TRIP11: variants seen among roughly 807,000 people sequenced by gnomAD.
The protein encoded by TRIP11 is thyroid receptor-interacting protein 11.
Under a neutral mutation model 223.1 loss-of-function variants are expected in TRIP11, and 148 were observed. The ratio of observed to expected loss-of-function variants is 0.66; its 90% CI spans 0.58 to 0.76. The LOEUF (loss-of-function observed/expected upper bound fraction) is 0.76. TRIP11 is among the 30% of genes least tolerant of loss of function. The pLI is 0.00. For synonymous variants in TRIP11, 762 were observed against 772.6 expected (o/e 0.99, Z 0.23); for missense variants, 2,043 against 2,222.0 (o/e 0.92, Z 1.62).
chr14:91,995,443 A>G lies in TRIP11; in HGVS notation c.4965T>C (p.Thr1655=). ...LNVVSKQRDE[T]ALQLSVSQEQ... is the part of the protein sequence containing the mutation. ...CCTGAGAGACAGAAAGCTGCAGCGC[A>G]GTTTCATCCCTTTGCTTGGAAACTA... is the stretch of plus-strand genomic sequence containing the variant. The change falls in exon 14 of 21, where the codon ACT becomes ACC. Residue 1655 remains threonine (T), a synonymous_variant. Transcript: ENST00000267622. 6.2e-7 allele frequency: 1 copy of G among 1,614,140 alleles called. No individual in the cohort carries two copies. Among genetic ancestry groups the G allele is most frequent in the South Asian group, 1.1e-5 (1 of 91,080 alleles).
chr14:92,029,998 C>G (rs1488290294), intron 2 of TRIP11, among the ~76,000 whole-genome samples: 1 of 151,858 alleles, frequency 6.6e-6, no homozygotes, highest in African/African-American at 2.4e-5. Flanking sequence ...GAGATCGAGA[C>G]CATCCCGGCT....
chr14:91,993,934 CATT>C (rs771213924), intron 14 of TRIP11, 22 bp from the exon 15 acceptor site: 1 of 1,576,976 alleles, frequency 6.3e-7, no homozygotes, highest in Non-Finnish European at 8.7e-7. Context: ...AGAAAGTTAA[CATT>C]AGTATTTTGC....
At chr14:92,028,390 A>C (rs990214341) in intron 2 of TRIP11, among the ~76,000 whole-genome samples, 4 of 152,068 alleles carry the variant, frequency 2.6e-5, no homozygotes, top group Non-Finnish European at 5.9e-5. Context: ...GGAACAAAAA[A>C]TACAAATACA....
rs747444843 is a variant in TRIP11 at position 92,015,838 on chromosome 14, C to A, written c.681G>T (p.Gln227His). ...IIKELKQNRS[Q>H]EIDDHQHEMS... ...TTTCATGTTGATGGTCATCAATTTC[C>A]TGACTTCGGTTCTGTTTTAGTTCCT... The change falls in exon 6 of 21, where the codon CAG becomes CAT. Residue 227 changes from glutamine to histidine, a missense_variant. Coordinates refer to ENST00000267622, the MANE Select transcript of TRIP11 (RefSeq NM_004239.4). The A allele has an allele frequency of 3.7e-6, 6 of 1,612,032 alleles. No individual in the cohort carries two copies. Among genetic ancestry groups the A allele is most frequent in the Non-Finnish European group, 8.5e-7 (1 of 1,179,670 alleles).
At chr14:92,018,521 T>C (rs1251461216) in intron 4 of TRIP11, among the ~76,000 whole-genome samples, 2 of 152,168 alleles carry the variant, frequency 1.3e-5, no homozygotes, top group African/African-American at 4.8e-5. Flanking sequence ...TTAATATTAC[T>C]ATGTAGCATT....
chr14:91,993,690 G>A (rs1015499834), intron 15 of TRIP11, 119 bp downstream of exon 15: 1 of 810,242 alleles, frequency 1.2e-6, no homozygotes, highest in South Asian at 1.6e-5. Flanking sequence ...CAGAGGGCTG[G>A]ATTCAGGGTA....
chr14:92,007,937 G>C, intron 9 of TRIP11, 85 bp from the exon 10 acceptor site: 2 of 1,074,882 alleles, frequency 1.9e-6, no homozygotes, highest in South Asian at 2.8e-5. Flanking sequence ...GCAAAACTTG[G>C]GATTCTATTT....
chr14:92,005,741 T>A lies in TRIP11; in HGVS notation c.2235A>T (p.Glu745Asp). ...EANKYEKTIE[E>D]LSNARNLNTS... Reference sequence around the variant, plus strand: ...TATTCAAATTACGTGCATTTGACAGTTCTTCAATGGTTTTCTCATACTTGT... The same window carrying A: ...TATTCAAATTACGTGCATTTGACAGATCTTCAATGGTTTTCTCATACTTGT... Residue 745 changes from glutamate (E) to aspartate (D), a missense_variant, in exon 11 of 21, where the codon GAA becomes GAT. Coordinates refer to ENST00000267622, the MANE Select transcript of TRIP11 (RefSeq NM_004239.4). 1.9e-6 allele frequency: 3 copies of A among 1,614,066 alleles called. No individual in the cohort carries two copies. The highest frequency in any genetic ancestry group is 2.5e-6 in the Non-Finnish European group (3 of 1,180,016).
chr14:91,993,811 G>T lies in TRIP11; in HGVS notation c.5158C>A (p.Gln1720Lys), dbSNP rs748703162. 2.5e-6 allele frequency: 4 copies of T among 1,611,214 alleles called. No homozygotes were observed. In the Admixed American group the frequency reaches 6.7e-5, roughly 27 times the overall value. The change falls in exon 15 of 21, where the codon CAG (glutamine) becomes AAG (lysine). Residue 1720 changes from glutamine to lysine, a missense_variant and splice_region_variant. Transcript: ENST00000267622. ...ENLEGKVISL[Q>K]ECLDEANAAL... ...AAGAGAAAACTATTTTGTCCTACCT[G>T]TAATGATATCACTTTTCCTTCCAGA...
At position 91,999,322 on chromosome 14, in the gene TRIP11, C is replaced by G; in HGVS notation, c.4810G>C (p.Asp1604His). The change falls in exon 13 of 21, where the codon GAT becomes CAT. Residue 1604 changes from aspartate to histidine, a missense_variant. By Grantham distance (81) the Asp-to-His change is moderately conservative (BLOSUM62 -1). Transcript: ENST00000267622. ...TTCTTTCTTAGTTTAGCCTCTCTATCTTCTGCAGCCAAAGCTTCACGGGTA... is the reference window on the plus strand; with the variant it reads ...TTCTTTCTTAGTTTAGCCTCTCTATGTTCTGCAGCCAAAGCTTCACGGGTA... ...SYTREALAAE[D>H]REAKLRKKVT... is the part of the protein sequence containing the mutation. 6.2e-7 allele frequency: 1 copy of G among 1,613,946 alleles called. No homozygotes were observed. The highest frequency in any genetic ancestry group is 1.3e-5 in the African/African-American group (1 of 75,044).
In TRIP11 at chr14:92,003,430, C is replaced by G. The variant is rs772120633; in HGVS notation, c.4546G>C (p.Glu1516Gln). ...CATCCAGAACACACCTGTTCTTTCTCTTTCAATAGCTGTTCAAAAGCAAGA... is the reference window on the plus strand; with the variant it reads ...CATCCAGAACACACCTGTTCTTTCTGTTTCAATAGCTGTTCAAAAGCAAGA... ...KALAFEQLLK[E>Q]KEQGKTGELN... The change falls in exon 11 of 21, where the codon GAG becomes CAG. Residue 1516 changes from glutamate (E) to glutamine (Q), a missense_variant. Physicochemically the swap from Glu to Gln is conservative, Grantham distance 29. Coordinates refer to ENST00000267622, the MANE Select transcript of TRIP11 (RefSeq NM_004239.4). 17 of 1,613,414 alleles carry G rather than the reference C, an allele frequency of 1.1e-5. No individual in the cohort carries two copies. Among genetic ancestry groups the G allele is most frequent in the Non-Finnish European group, 1.4e-5 (16 of 1,180,010 alleles).
intron 20 of TRIP11, among the ~76,000 whole-genome samples, chr14:91,972,462 T>C (rs1344638987): frequency 6.6e-6 from 1 of 152,236 alleles, no homozygotes; most frequent in Non-Finnish European, 1.5e-5. Context: ...AGAAGAATTA[T>C]TCTGATATAC....
chr14:91,977,943 A>G (rs1460706801), intron 16 of TRIP11, among the ~76,000 whole-genome samples: 3 of 152,232 alleles, frequency 2.0e-5, no homozygotes, highest in Admixed American at 6.5e-5. Flanking sequence ...TGCCATAACC[A>G]TATTATAAAA....
In TRIP11 at chr14:92,004,729, C is replaced by A; in HGVS notation, c.3247G>T (p.Asp1083Tyr). ...AGTTGCTGTTGAAGGTAAACAACAT[C>A]TTGAGTATGGGAAGTTGAAGAAATT... ...ARISSTSHTQ[D>Y]VVYLQQQLQA... Residue 1083 changes from aspartate (D) to tyrosine (Y), a missense_variant, in exon 11 of 21, where the codon GAT (aspartate) becomes TAT (tyrosine). Coordinates refer to ENST00000267622, the MANE Select transcript of TRIP11 (RefSeq NM_004239.4). 1.2e-6 allele frequency: 2 copies of A among 1,614,140 alleles called. No homozygotes were observed. The highest frequency in any genetic ancestry group is 1.7e-6 in the Non-Finnish European group (2 of 1,180,020).
intron 9 of TRIP11, 102 bp from the exon 10 acceptor site, chr14:92,007,954 T>TCTATATTGGAAATAATATTGAA: frequency 1.2e-6 from 1 of 847,660 alleles, no homozygotes; most frequent in East Asian, 2.7e-5. Context: ...ATTTAAGTGC[T>TCTATATTGGAAATAATATTGAA]CTATATTGGA....
rs997060707 is a variant in TRIP11 at position 91,995,239 on chromosome 14, G to A, written c.5056+113C>T. 4 of 1,284,466 alleles carry A rather than the reference G, an allele frequency of 3.1e-6. No homozygotes were observed. In the African/African-American group the frequency reaches 4.4e-5, roughly 14 times the overall value. 79.6% of individuals were successfully genotyped at this position (1,284,466 alleles called of 1,614,324 possible). On this transcript the variant is annotated intron_variant, in intron 14 of 20. Coordinates refer to ENST00000267622, the MANE Select transcript of TRIP11 (RefSeq NM_004239.4). ...GGCTACTCACCCTTCCCCTCTACCA[G>A]TGGGTAACCTTTCAGAGATTTCCCC... is the stretch of plus-strand genomic sequence containing the variant.
chr14:92,016,752 T>C (rs1595398247), intron 5 of TRIP11, among the ~76,000 whole-genome samples: 1 of 152,158 alleles, frequency 6.6e-6, no homozygotes, highest in Non-Finnish European at 1.5e-5. Flanking sequence ...TGGTCTCCAT[T>C]GATAATAAAA....
chr14:91,967,150 T>TTTTTTTTTTTTTTTTTTG lies in TRIP11; in HGVS notation c.*2522_*2523insCAAAAAAAAAAAAAAAAA, dbSNP rs2056349935. On this transcript the variant is annotated 3_prime_UTR_variant, in exon 21 of 21. Transcript: ENST00000267622. Reference sequence around the variant, plus strand: ...GGTACTATAGCTTTTTTTTTTTTTTTTTTTTTTTTGAGACAGAGTCTCGCT... The same window carrying TTTTTTTTTTTTTTTTTTG: ...GGTACTATAGCTTTTTTTTTTTTTTTTTTTTTTTTTTTTTTTTGTTTTTTTTTGAGACAGAGTCTCGCT... The TTTTTTTTTTTTTTTTTTG allele has an allele frequency of 5.8e-6, 1 of 171,710 alleles. No homozygotes were observed. The highest frequency in any genetic ancestry group is 2.7e-5 in the African/African-American group (1 of 36,980). 10.6% of individuals were successfully genotyped at this position (171,710 alleles called of 1,614,324 possible).
At chr14:92,014,998 G>A (rs1377293141) in intron 6 of TRIP11, among the ~76,000 whole-genome samples, 4 of 151,634 alleles carry the variant, frequency 2.6e-5, no homozygotes, top group African/African-American at 7.3e-5. Context: ...CTGCCTCCTG[G>A]GCTCAAGTGA....
Sources: gnomAD v4.1 joint callset for allele counts (sites outside exome capture counted in the v4.1 genomes callset) on GRCh38, gnomAD v4.1.1 for gene constraint, MANE v1.5 for transcripts, NCBI Gene and HGNC (gene_info 2026-07-23, HGNC 2026-07-21) for gene names.